EPN2: variants seen among roughly 807,000 people sequenced by gnomAD.
The protein encoded by EPN2 is epsin 2, also known as epsin-2.
In EPN2, 34 loss-of-function variants were observed where a neutral mutation model predicts 61.7. The observed-to-expected ratio is 0.55, with a 90% CI of 0.42 to 0.73. EPN2 has a LOEUF of 0.73. EPN2 is among the 30% of genes least tolerant of loss of function. EPN2 has a pLI of 0.00. For synonymous variants in EPN2, 349 were observed against 353.6 expected, an observed-to-expected ratio of 0.99 and a Z score of 0.15; for missense variants, 714 against 839.2, an observed-to-expected ratio of 0.85 and a Z score of 1.84.
At chr17:19,272,288 G>A (rs1303988589) in intron 1 of EPN2, among the ~76,000 whole-genome samples, 1 of 152,196 alleles carries the variant, frequency 6.6e-6, no homozygotes, top group Non-Finnish European at 1.5e-5. Flanking sequence ...GAAGGGTTCT[G>A]AAGGCTGCTT....
At chr17:19,304,828 G>GA (rs1313387991) in intron 4 of EPN2, among the ~76,000 whole-genome samples, 1 of 152,166 alleles carries the variant, frequency 6.6e-6, no homozygotes, top group Non-Finnish European at 1.5e-5. Context: ...TCTTCCCTTG[G>GA]CTGACATGCA....
At chr17:19,295,366 A>ACACACACACGCGCG (rs147719775) in intron 4 of EPN2, among the ~76,000 whole-genome samples, 25 of 140,394 alleles carry the variant, frequency 1.8e-4, no homozygotes, top group Non-Finnish European at 3.1e-4. Flanking sequence ...ACACACACAC[A>ACACACACACGCGCG]CGCGCGTGCG....
intron 1 of EPN2, among the ~76,000 whole-genome samples, chr17:19,255,881 C>A (rs895994827): frequency 6.6e-6 from 1 of 152,014 alleles, no homozygotes; most frequent in East Asian, 1.9e-4. Context: ...TCTCGGCCCC[C>A]CAAAGTGTTG....
chr17:19,294,823 T>TG (rs1277463702), intron 4 of EPN2, among the ~76,000 whole-genome samples: 3 of 152,308 alleles, frequency 2.0e-5, no homozygotes, highest in African/African-American at 7.2e-5. Context: ...AGCATTGTAC[T>TG]GGGGGCTGCT....
At chr17:19,328,622 G>C in intron 7 of EPN2, 89 bp from the exon 8 acceptor site, 1 of 1,249,302 alleles carries the variant, frequency 8.0e-7, no homozygotes, top group Non-Finnish European at 1.1e-6. Context: ...ATAGACCCTG[G>C]TGTGGCTGGC....
intron 10 of EPN2, among the ~76,000 whole-genome samples, chr17:19,333,685 C>T (rs1055036902): frequency 2.6e-5 from 4 of 152,136 alleles, no homozygotes; most frequent in African/African-American, 4.8e-5. Context: ...CAGGGTGCCC[C>T]GAGATGGGTG....
intron 1 of EPN2, among the ~76,000 whole-genome samples, chr17:19,268,005 G>A (rs544252616): frequency 1.4e-4 from 21 of 152,342 alleles, no homozygotes; most frequent in African/African-American, 4.8e-4. Context: ...TGTGTGCCTA[G>A]TGAGGCCCTG....
chr17:19,257,456 T>C (rs1182512791), intron 1 of EPN2, among the ~76,000 whole-genome samples: 3 of 152,156 alleles, frequency 2.0e-5, no homozygotes, highest in Admixed American at 6.5e-5. Flanking sequence ...TTAGGACCTA[T>C]ACGTCAAGTC....
chr17:19,243,145 A>G (rs1412016710), intron 1 of EPN2, among the ~76,000 whole-genome samples: 1 of 151,928 alleles, frequency 6.6e-6, no homozygotes, highest in African/African-American at 2.4e-5. Context: ...AGAAGCACCC[A>G]GAGGGCTTGC....
intron 4 of EPN2, among the ~76,000 whole-genome samples, chr17:19,309,294 C>A (rs1906004832): frequency 6.6e-6 from 1 of 152,164 alleles, no homozygotes; most frequent in African/African-American, 2.4e-5. Flanking sequence ...CCATGCCCAG[C>A]TAATTTTTGT....
chr17:19,332,694 A>G (rs1907219087), intron 10 of EPN2, among the ~76,000 whole-genome samples: 1 of 152,156 alleles, frequency 6.6e-6, no homozygotes, highest in Non-Finnish European at 1.5e-5. Context: ...CCTTAAGCCC[A>G]GGCTGTTACA....
intron 7 of EPN2, among the ~76,000 whole-genome samples, chr17:19,316,808 T>C (rs574920768): frequency 6.6e-6 from 1 of 152,344 alleles, no homozygotes; most frequent in South Asian, 2.1e-4. Flanking sequence ...GTTCTGGCAC[T>C]CTGCTTTCAA....
intron 1 of EPN2, among the ~76,000 whole-genome samples, chr17:19,263,916 G>C (rs2045169575): frequency 6.6e-6 from 1 of 150,540 alleles, no homozygotes; most frequent in Non-Finnish European, 1.5e-5. Flanking sequence ...GGAGCGAGAA[G>C]GGGGGTTAGG....
At chr17:19,325,862 T>C (rs1906843391) in intron 7 of EPN2, among the ~76,000 whole-genome samples, 1 of 152,218 alleles carries the variant, frequency 6.6e-6, no homozygotes, top group South Asian at 2.1e-4. Flanking sequence ...AATTAAGAAT[T>C]ATTTGAATTA....
intron 4 of EPN2, among the ~76,000 whole-genome samples, chr17:19,303,037 G>A (rs1265407009): frequency 6.6e-6 from 1 of 152,242 alleles, no homozygotes; most frequent in Non-Finnish European, 1.5e-5. Flanking sequence ...CAGAGTGTGC[G>A]TTCAGTCGCT....
intron 1 of EPN2, among the ~76,000 whole-genome samples, chr17:19,246,476 G>A (rs1271162795): frequency 6.6e-6 from 1 of 152,106 alleles, no homozygotes; most frequent in Non-Finnish European, 1.5e-5. Context: ...GGGAGGCTGG[G>A]GTGTGAGCAT....
intron 9 of EPN2, 30 bp downstream of exon 9, chr17:19,329,677 T>A: frequency 7.4e-7 from 1 of 1,344,126 alleles, no homozygotes; most frequent in Non-Finnish European, 1.1e-6. Flanking sequence ...GTTTCCATAA[T>A]CCTCCGTGCA....
At position 19,335,294 on chromosome 17, in the gene EPN2, G is replaced by T; in HGVS notation, c.*1040G>T. ...TTCAGCCTTTTTGGCTAGATCCTGAGAGGCTATTTTTCTTACGAATATACC... is the reference window on the plus strand; with the variant it reads ...TTCAGCCTTTTTGGCTAGATCCTGATAGGCTATTTTTCTTACGAATATACC... On this transcript the variant is annotated 3_prime_UTR_variant, in exon 11 of 11. Transcript: ENST00000314728. 9.1e-7 allele frequency: 1 copy of T among 1,104,940 alleles called. No individual in the cohort carries two copies. The highest frequency in any genetic ancestry group is 1.3e-6 in the Non-Finnish European group (1 of 782,824). The allele number at this position is 1,104,940 out of a possible 1,614,324, so 68.4% of individuals were successfully genotyped here.
intron 5 of EPN2, among the ~76,000 whole-genome samples, chr17:19,311,100 A>G (rs1906116037): frequency 6.6e-6 from 1 of 152,182 alleles, no homozygotes; most frequent in Admixed American, 6.5e-5. Flanking sequence ...GTTAGATTTG[A>G]GTACTGACAA....
Sources: gnomAD v4.1 joint callset for allele counts (sites outside exome capture counted in the v4.1 genomes callset) on GRCh38, gnomAD v4.1.1 for gene constraint, MANE v1.5 for transcripts, NCBI Gene and HGNC (gene_info 2026-07-23, HGNC 2026-07-21) for gene names.